Variants in COX16 observed in about 807,000 individuals in gnomAD.
The protein encoded by COX16 is cytochrome c oxidase assembly protein COX16 homolog, mitochondrial.
In COX16, 12 loss-of-function variants were observed where a neutral mutation model predicts 15.4. That is an observed-to-expected ratio of 0.78 (90% CI 0.50 to 1.26). COX16 has a LOEUF of 1.26. Ranked by LOEUF, COX16 falls within the 50% of genes most tolerant of loss-of-function variation. The pLI, the probability that COX16 is intolerant of heterozygous loss-of-function variation, is 0.00. For synonymous variants in COX16, 46 were observed against 41.1 expected, an observed-to-expected ratio of 1.12 and a Z score of -0.46; for missense variants, 124 against 127.6, an observed-to-expected ratio of 0.97 and a Z score of 0.14.
chr14:70,338,390 CAT>C (rs1491442489), intron 2 of COX16, among the ~76,000 whole-genome samples: 2 of 152,208 alleles, frequency 1.3e-5, no homozygotes, highest in Non-Finnish European at 2.9e-5. Context: ...GGGATTAACA[CAT>C]GTGAACCACC....
chr14:70,347,417 C>T (rs1434869536), intron 1 of COX16, among the ~76,000 whole-genome samples: 1 of 152,208 alleles, frequency 6.6e-6, no homozygotes, highest in African/African-American at 2.4e-5. Flanking sequence ...TTCCTTTACA[C>T]CCTGATTCCC....
chr14:70,342,606 C>T, intron 2 of COX16, 52 bp downstream of exon 2: 2 of 1,568,956 alleles, frequency 1.3e-6, no homozygotes, highest in Non-Finnish European at 1.7e-6. Flanking sequence ...TTCTCCTAAA[C>T]CAGAACATAC....
intron 1 of COX16, among the ~76,000 whole-genome samples, chr14:70,357,158 C>A (rs1887148773): frequency 1.9e-4 from 15 of 78,698 alleles, no homozygotes; most frequent in Admixed American, 4.9e-4. Flanking sequence ...AAGCGTTTGT[C>A]AAAAAAAAAA....
chr14:70,342,670 A>G lies in COX16; in HGVS notation c.129T>C (p.Ala43=), dbSNP rs1886658543. 2 of 1,612,702 alleles carry G rather than the reference A, an allele frequency of 1.2e-6. No individual in the cohort carries two copies. Among genetic ancestry groups the G allele is most frequent in the Non-Finnish European group, 1.7e-6 (2 of 1,179,674 alleles). The change falls in exon 2 of 4, where the codon GCT becomes GCC. Residue 43 remains alanine (A), a synonymous_variant. Coordinates refer to ENST00000389912, the MANE Select transcript of COX16 (RefSeq NM_016468.7). ...LREFSQIRYD[A]VKSKMDPELE... is the part of the protein sequence containing the mutation. Reference sequence around the variant, plus strand: ...TTATATTTCTTACTTTACTCTTCACAGCATCATATCGGATTTGAGAAAACT... The same window carrying G: ...TTATATTTCTTACTTTACTCTTCACGGCATCATATCGGATTTGAGAAAACT...
chr14:70,354,536 A>G lies in COX16; in HGVS notation c.69+4983T>C, dbSNP rs923782150. 5.3e-5 allele frequency among the ~76,000 whole-genome samples: 8 copies of G among 152,060 alleles called. No homozygotes were observed. The East Asian group carries it at 1.5e-3, about 29-fold the overall frequency. On this transcript the variant is annotated intron_variant, in intron 1 of 3. Coordinates refer to ENST00000389912, the MANE Select transcript of COX16 (RefSeq NM_016468.7). ...ATTCTGGACAGTGAAACTTGGTTGA[A>G]CTCCCTGGTTGGTAAACACATCAAT...
intron 1 of COX16, 47 bp downstream of exon 1, chr14:70,359,472 G>A (rs555416181): frequency 6.5e-7 from 1 of 1,528,176 alleles, no homozygotes; most frequent in South Asian, 1.1e-5. Context: ...ATCCTGCCAA[G>A]GAGGAGGGTC....
chr14:70,359,542 G>C lies in COX16; in HGVS notation c.46C>G (p.Leu16Val), dbSNP rs151197958. 227 of 1,613,978 alleles carry C rather than the reference G, an allele frequency of 1.4e-4. 1 individual carries two copies. Among genetic ancestry groups the C allele is most frequent in the Non-Finnish European group, 1.7e-4 (206 of 1,179,990 alleles). Residue 16 changes from leucine (L) to valine (V), a missense_variant, in exon 1 of 4, where the codon CTC becomes GTC. Physicochemically the swap from Leu to Val is conservative, Grantham distance 32. Coordinates refer to ENST00000389912, the MANE Select transcript of COX16 (RefSeq NM_016468.7). Reference protein sequence around the residue: ...VMRAFRKNKTLGYGVPMLLLI... With the variant: ...VMRAFRKNKTVGYGVPMLLLI... Reference sequence around the variant, plus strand: ...ACCAACATGGGGACTCCATAGCCGAGAGTCTTGTTCTTGCGAAAAGCACGC... The same window carrying C: ...ACCAACATGGGGACTCCATAGCCGACAGTCTTGTTCTTGCGAAAAGCACGC...
rs137950515 is a variant in COX16, at chr14:70,349,424, T to C, written c.70-6695A>G. Among the ~76,000 whole-genome samples, 41 of 152,264 alleles carry C rather than the reference T, an allele frequency of 2.7e-4. 1 individual carries two copies. The highest frequency in any genetic ancestry group is 9.9e-4 in the African/African-American group (41 of 41,550). Reference sequence around the variant, plus strand: ...GAAGGTGCAAATGTCACACAAACTCTCATCATGCATATAATTCCCCATTTC... The same window carrying C: ...GAAGGTGCAAATGTCACACAAACTCCCATCATGCATATAATTCCCCATTTC... On this transcript the variant is annotated intron_variant, in intron 1 of 3. Transcript: ENST00000389912.
chr14:70,358,189 AT>A (rs1174243450), intron 1 of COX16, among the ~76,000 whole-genome samples: 7 of 152,114 alleles, frequency 4.6e-5, no homozygotes, highest in Non-Finnish European at 8.8e-5. Flanking sequence ...GTAGAAGTAG[AT>A]TAGTGGTTTA....
At chr14:70,334,359 C>T (rs906466962) in intron 2 of COX16, among the ~76,000 whole-genome samples, 5 of 152,180 alleles carry the variant, frequency 3.3e-5, no homozygotes, top group Middle Eastern at 3.4e-3. Context: ...CCCGTCTCTA[C>T]TAAAATTACA....
chr14:70,358,371 A>ATTTTTTT (rs34871293), intron 1 of COX16, among the ~76,000 whole-genome samples: 1 of 94,074 alleles, frequency 1.1e-5, no homozygotes, highest in South Asian at 3.8e-4. Flanking sequence ...AAAAACAACA[A>ATTTTTTT]TTTTTTTTTT....
At chr14:70,356,878 G>A (rs1030005576) in intron 1 of COX16, among the ~76,000 whole-genome samples, 2 of 152,000 alleles carry the variant, frequency 1.3e-5, no homozygotes, top group South Asian at 4.1e-4. Flanking sequence ...TGAATCTCAG[G>A]AAGAACAGCT....
intron 1 of COX16, among the ~76,000 whole-genome samples, chr14:70,353,446 ATACACACATATAT>A (rs1196553008): frequency 6.7e-6 from 1 of 149,164 alleles, no homozygotes; most frequent in African/African-American, 2.4e-5. Flanking sequence ...ACACATATAT[ATACACACATATAT>A]AAATATATAT....
At chr14:70,338,397 A>G (rs1274086789) in intron 2 of COX16, among the ~76,000 whole-genome samples, 1 of 152,200 alleles carries the variant, frequency 6.6e-6, no homozygotes, top group African/African-American at 2.4e-5. Context: ...ACACATGTGA[A>G]CCACCATGCC....
At chr14:70,356,504 A>G (rs905999983) in intron 1 of COX16, among the ~76,000 whole-genome samples, 1 of 152,154 alleles carries the variant, frequency 6.6e-6, no homozygotes, top group Non-Finnish European at 1.5e-5. Context: ...AGCAACACAA[A>G]TGGACTAAGA....
Position 70,352,510 on chromosome 14 carries a change from G to A in COX16, c.69+7009C>T, listed in dbSNP as rs1004015171. ...TGGAGATCTTTTTATATTTGTATGT[G>A]TGTCATACATATGATATTTTTATAA... On this transcript the variant is annotated intron_variant, in intron 1 of 3. Coordinates refer to ENST00000389912, the MANE Select transcript of COX16 (RefSeq NM_016468.7). 2.6e-5 allele frequency among the ~76,000 whole-genome samples: 4 copies of A among 151,512 alleles called. No homozygotes were observed. In the East Asian group the frequency reaches 5.8e-4, roughly 22 times the overall value.
chr14:70,328,630 C>T (rs940542758), intron 3 of COX16, among the ~76,000 whole-genome samples: 2 of 152,060 alleles, frequency 1.3e-5, no homozygotes, highest in Non-Finnish European at 2.9e-5. Flanking sequence ...TACTTATTTC[C>T]TTTTGTCCAA....
chr14:70,333,627 T>C (rs1445145322), intron 2 of COX16, among the ~76,000 whole-genome samples: 1 of 152,172 alleles, frequency 6.6e-6, no homozygotes, highest in Non-Finnish European at 1.5e-5. Flanking sequence ...TTATTGGAGT[T>C]AAAGTGGGAA....
At chr14:70,347,649 A>C (rs1012581366) in intron 1 of COX16, among the ~76,000 whole-genome samples, 15 of 151,962 alleles carry the variant, frequency 9.9e-5, no homozygotes, top group African/African-American at 2.4e-4. Flanking sequence ...CGCCCATGCT[A>C]TCTCTCTCTT....
Sources: gnomAD v4.1 joint callset for allele counts (sites outside exome capture counted in the v4.1 genomes callset) on GRCh38, gnomAD v4.1.1 for gene constraint, MANE v1.5 for transcripts, NCBI Gene and HGNC (gene_info 2026-07-23, HGNC 2026-07-21) for gene names.